The following TEX2 variants were observed in gnomAD, a reference collection of about 807,000 sequenced individuals.
TEX2 encodes the protein testis expressed 2.
TEX2 carries 53 observed loss-of-function variants against 106.9 expected under a neutral mutation model. The ratio of observed to expected loss-of-function variants is 0.50; its 90% CI spans 0.40 to 0.62. The LOEUF (loss-of-function observed/expected upper bound fraction) is 0.62, where lower values mean the gene tolerates loss of function less well. Ranked by LOEUF, TEX2 falls within the 20% of genes least tolerant of loss-of-function variation. The pLI is 0.00. For missense variants in TEX2, 1,207 were observed against 1,379.0 expected (o/e 0.88, Z 1.98); for synonymous variants, 523 against 534.8 (o/e 0.98, Z 0.30).
intron 2 of TEX2, among the ~76,000 whole-genome samples, chr17:64,201,682 C>G (rs2032666830): frequency 6.6e-6 from 1 of 152,154 alleles, no homozygotes. Flanking sequence ...CTAGTCACCC[C>G]TCAGGTCATG....
chr17:64,156,291 T>C (rs2030624988), intron 8 of TEX2: 1 of 152,430 alleles, frequency 6.6e-6, no homozygotes, highest in Non-Finnish European at 1.5e-5. Context: ...GGACCCGGAC[T>C]GTGTCCTCCC....
rs1195268668 is a variant in TEX2, at chr17:64,228,737, C to T, written c.-25-14495G>A. Among the ~76,000 whole-genome samples, 5 of 152,102 alleles carry T rather than the reference C, an allele frequency of 3.3e-5. No homozygotes were observed. In the East Asian group the frequency reaches 9.6e-4, roughly 29 times the overall value. ...GGTCTGTGGCCCGGGGATTGGGGAC[C>T]CCTGGTTTAGAACGTATCTTTCCAG... is the stretch of plus-strand genomic sequence containing the variant. On this transcript the variant is annotated intron_variant, in intron 1 of 11. Coordinates refer to ENST00000584379, the MANE Select transcript of TEX2 (RefSeq NM_001288732.2).
In TEX2 at chr17:64,177,424, C is replaced by A. The variant is rs1399190847; in HGVS notation, c.2472G>T (p.Val824=). 1.9e-5 allele frequency: 30 copies of A among 1,614,088 alleles called. No individual in the cohort carries two copies. The highest frequency in any genetic ancestry group is 2.4e-5 in the Non-Finnish European group (28 of 1,180,046). Residue 824 remains valine (V), a synonymous_variant, in exon 6 of 12, where the codon GTG becomes GTT. Transcript: ENST00000584379. The stretch of plus-strand genomic sequence containing the variant: ...AAAATATTCTTCCAAGCAAGGCATT[C>A]ACCCAGGCTTCCTGTTCTTCCTCCT... ...PSEEEEQEAW[V]NALLGRIFWD...
intron 1 of TEX2, among the ~76,000 whole-genome samples, chr17:64,222,377 G>A (rs1260023090): frequency 2.0e-5 from 3 of 151,958 alleles, no homozygotes; most frequent in African/African-American, 7.3e-5. Flanking sequence ...AATTAGCTGG[G>A]TGTGGTGGTG....
chr17:64,191,239 T>A (rs566045553), intron 4 of TEX2, among the ~76,000 whole-genome samples: 1 of 152,354 alleles, frequency 6.6e-6, no homozygotes, highest in Admixed American at 6.5e-5. Flanking sequence ...CTTACCATTA[T>A]GTTTGTTGTG....
chr17:64,183,638 G>C (rs2031967205), intron 5 of TEX2, among the ~76,000 whole-genome samples: 2 of 152,182 alleles, frequency 1.3e-5, no homozygotes, highest in South Asian at 4.1e-4. Context: ...ATGTTGCCCA[G>C]GCTGGCCTCA....
At chr17:64,203,636 G>C (rs1037377697) in intron 2 of TEX2, among the ~76,000 whole-genome samples, 18 of 152,218 alleles carry the variant, frequency 1.2e-4, no homozygotes, top group Non-Finnish European at 1.2e-4. Flanking sequence ...TTTTACCCAT[G>C]AAAGGCAAGC....
chr17:64,213,477 G>C lies in TEX2; in HGVS notation c.741C>G (p.Phe247Leu), dbSNP rs1555632055. The change falls in exon 2 of 12, where the codon TTC (phenylalanine) becomes TTG (leucine). Residue 247 changes from phenylalanine to leucine, a missense_variant. By Grantham distance (22) the Phe-to-Leu change is conservative. Transcript: ENST00000584379. This position sits in a 1 kb window ranked among gnomAD's most constrained non-coding sequence, Gnocchi z 4.4. Reference sequence around the variant, plus strand: ...TGTTTCGGGGCTGTGTGAACTGCTTGAACAGGTGTAAGTTCAGTTTGGAAT... The same window carrying C: ...TGTTTCGGGGCTGTGTGAACTGCTTCAACAGGTGTAAGTTCAGTTTGGAAT... ...PPDSKLNLHLFKQFTQPRNTG... is the reference protein window; with the variant it reads ...PPDSKLNLHLLKQFTQPRNTG... 6.2e-7 allele frequency: 1 copy of C among 1,614,180 alleles called. No individual in the cohort carries two copies. The highest frequency in any genetic ancestry group is 8.5e-7 in the Non-Finnish European group (1 of 1,180,040).
At chr17:64,211,972 C>A (rs2033015154) in intron 2 of TEX2, among the ~76,000 whole-genome samples, 1 of 152,230 alleles carries the variant, frequency 6.6e-6, no homozygotes, top group African/African-American at 2.4e-5. Context: ...CATAGTGAGA[C>A]TCCGTCTCAA....
At chr17:64,191,169 G>GT (rs1014238586) in intron 4 of TEX2, among the ~76,000 whole-genome samples, 1 of 152,200 alleles carries the variant, frequency 6.6e-6, no homozygotes, top group Non-Finnish European at 1.5e-5. Flanking sequence ...GACATTAGTG[G>GT]TGTGTGAGCC....
intron 7 of TEX2, among the ~76,000 whole-genome samples, chr17:64,169,200 G>A (rs927575620): frequency 3.9e-5 from 6 of 152,012 alleles, no homozygotes; most frequent in Admixed American, 1.3e-4. Context: ...CACCATGCCC[G>A]GCTGACTTTT....
At chr17:64,186,398 C>A (rs943369336) in intron 5 of TEX2, among the ~76,000 whole-genome samples, 15 of 152,198 alleles carry the variant, frequency 9.9e-5, no homozygotes, top group African/African-American at 3.6e-4. Flanking sequence ...GGCATATGGT[C>A]TTTTATTGCC....
intron 5 of TEX2, among the ~76,000 whole-genome samples, chr17:64,183,963 G>A (rs939983981): frequency 1.3e-5 from 2 of 152,092 alleles, no homozygotes; most frequent in Non-Finnish European, 2.9e-5. Flanking sequence ...GTGGCCATCT[G>A]GGTGGGTGTG....
chr17:64,163,772 C>G (rs1159731310), intron 7 of TEX2, among the ~76,000 whole-genome samples: 5 of 152,176 alleles, frequency 3.3e-5, no homozygotes, highest in African/African-American at 7.2e-5. Context: ...CAACAATGAG[C>G]ACACGGGGAC....
At chr17:64,157,338 C>T (rs1186782641) in intron 8 of TEX2, among the ~76,000 whole-genome samples, 1 of 152,034 alleles carries the variant, frequency 6.6e-6, no homozygotes, top group African/African-American at 2.4e-5. Context: ...TTCCTTCTGC[C>T]AAAAATCTTT....
At chr17:64,254,503 C>T (rs1317855436) in intron 1 of TEX2, among the ~76,000 whole-genome samples, 1 of 152,168 alleles carries the variant, frequency 6.6e-6, no homozygotes. Flanking sequence ...ATTAAAGCTT[C>T]CAATTCTCAG....
At chr17:64,223,303 A>G (rs2033411026) in intron 1 of TEX2, among the ~76,000 whole-genome samples, 1 of 151,246 alleles carries the variant, frequency 6.6e-6, no homozygotes, top group African/African-American at 2.4e-5. Flanking sequence ...CCATTTCAAG[A>G]CTCAATATTA....
At position 64,194,910 on chromosome 17, in the gene TEX2, G is replaced by A; in HGVS notation, c.1830C>T (p.Asp610=). 6.2e-7 allele frequency: 1 copy of A among 1,614,108 alleles called. No homozygotes were observed. Among genetic ancestry groups the A allele is most frequent in the Non-Finnish European group, 8.5e-7 (1 of 1,179,970 alleles). The change falls in exon 3 of 12, where the codon GAC becomes GAT. Residue 610 remains aspartate (D), a synonymous_variant. Coordinates refer to ENST00000584379, the MANE Select transcript of TEX2 (RefSeq NM_001288732.2). ...EVTYISQKIY[D]LSDSKIYLVP... is the part of the protein sequence containing the mutation. Reference sequence around the variant, plus strand: ...TCAGGCTCACCTTGCTGTCTGAGAGGTCATAGATTTTCTGGCTGATGTAGG... The same window carrying A: ...TCAGGCTCACCTTGCTGTCTGAGAGATCATAGATTTTCTGGCTGATGTAGG...
At chr17:64,206,282 C>A (rs2032826713) in intron 2 of TEX2, among the ~76,000 whole-genome samples, 1 of 152,204 alleles carries the variant, frequency 6.6e-6, no homozygotes, top group Non-Finnish European at 1.5e-5. Context: ...GTGGCACACA[C>A]GAGGCTCTTT....
Sources: gnomAD v4.1 joint callset for allele counts (sites outside exome capture counted in the v4.1 genomes callset) on GRCh38, gnomAD v4.1.1 for gene constraint, Gnocchi (gnomAD v3.1) non-coding constraint, MANE v1.5 for transcripts, NCBI Gene and HGNC (gene_info 2026-07-23, HGNC 2026-07-21) for gene names.